The following MRPS6 variants were observed in gnomAD, a reference collection of about 807,000 sequenced individuals.
MRPS6 encodes mitochondrial ribosomal protein S6, also known as small ribosomal subunit protein bS6m.
In MRPS6, 6 loss-of-function variants were observed where a neutral mutation model predicts 13.1. The observed-to-expected ratio is 0.46, with a 90% CI of 0.25 to 0.91. MRPS6 has a LOEUF of 0.91. Ranked by LOEUF, MRPS6 falls within the 40% of genes least tolerant of loss-of-function variation. The pLI is 0.18. For missense variants in MRPS6, 164 were observed against 155.6 expected (o/e 1.05, Z -0.29); for synonymous variants, 61 against 56.5 (o/e 1.08, Z -0.36).
intron 1 of MRPS6, among the ~76,000 whole-genome samples, chr21:34,076,139 A>G (rs1989324930): frequency 6.6e-6 from 1 of 152,220 alleles, no homozygotes. Context: ...CAACTTTAAC[A>G]GCGGATATGG....
At chr21:34,098,766 G>C (rs1437248082) in intron 1 of MRPS6, 2 of 1,000,186 alleles carry the variant, frequency 2.0e-6, no homozygotes, top group African/African-American at 3.5e-5. Flanking sequence ...TGGGTACAGG[G>C]TACAAAAGAT....
chr21:34,077,238 C>T (rs1403534421), intron 1 of MRPS6, among the ~76,000 whole-genome samples: 1 of 152,116 alleles, frequency 6.6e-6, no homozygotes, highest in African/African-American at 2.4e-5. Flanking sequence ...ATGGTAAAGC[C>T]GCATACTGTA....
At chr21:34,110,585 T>C (rs1425966082) in intron 1 of MRPS6, among the ~76,000 whole-genome samples, 1 of 152,228 alleles carries the variant, frequency 6.6e-6, no homozygotes, top group Non-Finnish European at 1.5e-5. Flanking sequence ...ACATATTCCA[T>C]AAAATGACAC....
At chr21:34,091,208 A>G (rs1242559238) in intron 1 of MRPS6, among the ~76,000 whole-genome samples, 1 of 152,198 alleles carries the variant, frequency 6.6e-6, no homozygotes, top group Non-Finnish European at 1.5e-5. Context: ...CTCCAAAGCT[A>G]AAAGAGGTGG....
At chr21:34,111,113 A>G (rs1979681203) in intron 1 of MRPS6, among the ~76,000 whole-genome samples, 2 of 152,226 alleles carry the variant, frequency 1.3e-5, no homozygotes, top group South Asian at 2.1e-4. Flanking sequence ...TGTGTGCAAT[A>G]GGGGACTGCA....
chr21:34,133,129 C>T (rs912184689), intron 2 of MRPS6, among the ~76,000 whole-genome samples: 1 of 152,200 alleles, frequency 6.6e-6, no homozygotes, highest in Non-Finnish European at 1.5e-5. Flanking sequence ...CATCCTCTTC[C>T]TCAAAAGTTG....
At chr21:34,086,449 C>G (rs1334413035) in intron 1 of MRPS6, among the ~76,000 whole-genome samples, 3 of 152,006 alleles carry the variant, frequency 2.0e-5, no homozygotes, top group African/African-American at 4.8e-5. Flanking sequence ...TGATTTTTCT[C>G]ATTACATTAG....
chr21:34,125,529 AAG>A (rs1044199956), intron 2 of MRPS6, 49 bp downstream of exon 2: 2 of 1,602,540 alleles, frequency 1.2e-6, no homozygotes, highest in African/African-American at 2.7e-5. Context: ...AGGCTCAGTA[AAG>A]AGTACTGTTC....
intron 1 of MRPS6, chr21:34,099,702 G>C: frequency 1.0e-6 from 1 of 998,044 alleles, no homozygotes; most frequent in East Asian, 1.1e-4. Context: ...AGATACATAA[G>C]GTACATCATC....
At chr21:34,105,283 C>G (rs1472823949) in intron 1 of MRPS6, 22 of 999,870 alleles carry the variant, frequency 2.2e-5, no homozygotes, top group Non-Finnish European at 2.5e-5. Context: ...CATGTATGAA[C>G]TGTGTTATAC....
At chr21:34,095,918 T>C (rs1334601736) in intron 1 of MRPS6, 1 of 1,614,140 alleles carries the variant, frequency 6.2e-7, no homozygotes, top group Non-Finnish European at 8.5e-7. Flanking sequence ...ATTCTTGTAA[T>C]GTCTCCCCTA....
chr21:34,119,658 A>T (rs1339978068), intron 1 of MRPS6, among the ~76,000 whole-genome samples: 2 of 152,112 alleles, frequency 1.3e-5, no homozygotes, highest in African/African-American at 4.8e-5. Flanking sequence ...CTGGGGAACT[A>T]GGGTGTGGTA....
rs906289243 is a variant in MRPS6 at position 34,142,891 on chromosome 21, T to G, written c.*291T>G. 4.1e-6 allele frequency: 1 copy of G among 242,032 alleles called. No individual in the cohort carries two copies. Among genetic ancestry groups the G allele is most frequent in the Non-Finnish European group, 7.8e-6 (1 of 127,430 alleles). 15.0% of individuals were successfully genotyped at this position (242,032 alleles called of 1,614,324 possible). On this transcript the variant is annotated 3_prime_UTR_variant, in exon 3 of 3. Coordinates refer to ENST00000399312, the MANE Select transcript of MRPS6 (RefSeq NM_032476.4). The stretch of plus-strand genomic sequence containing the variant: ...TTCCCCTTACAACAGTAACACCATT[T>G]TTTGAAGAGCAAAACTTATAATACC...
In MRPS6 at chr21:34,100,950, T is replaced by G. The variant is rs184743483; in HGVS notation, c.46-24391T>G. On this transcript the variant is annotated intron_variant, in intron 1 of 2. Transcript: ENST00000399312. ...CAGTGTTAAAGCTTACAGGGTTAAC[T>G]TATGATGATTCTCCTGGCTCATTTT... 3 of 1,000,190 alleles carry G rather than the reference T, an allele frequency of 3.0e-6. No homozygotes were observed. In the Admixed American group the frequency reaches 1.8e-4, roughly 61 times the overall value. The allele number at this position is 1,000,190 out of a possible 1,614,324, so 62.0% of individuals were successfully genotyped here.
At chr21:34,095,361 CTGTT>C (rs1978919538) in intron 1 of MRPS6, 7 of 1,614,004 alleles carry the variant, frequency 4.3e-6, no homozygotes, top group Non-Finnish European at 5.9e-6. Context: ...TGGTGCCTCT[CTGTT>C]TGTGAGCAAT....
chr21:34,125,364 A>T lies in MRPS6; in HGVS notation c.69A>T (p.Lys23Asn). 6.2e-7 allele frequency: 1 copy of T among 1,612,880 alleles called. No homozygotes were observed. Among genetic ancestry groups the T allele is most frequent in the Non-Finnish European group, 8.5e-7 (1 of 1,179,618 alleles). ...AGCCAGAGACTGCTGCTACTTTGAA[A>T]CGTACGATAGAGGCCCTGATGGACA... ...MQRPETAATL[K>N]RTIEALMDRG... Residue 23 changes from lysine (K) to asparagine (N), a missense_variant, in exon 2 of 3, where the codon AAA (lysine) becomes AAT (asparagine). Physicochemically the swap from Lys to Asn is moderately conservative, Grantham distance 94. Transcript: ENST00000399312.
intron 1 of MRPS6, among the ~76,000 whole-genome samples, chr21:34,113,596 C>T (rs907064628): frequency 6.6e-6 from 1 of 152,120 alleles, no homozygotes; most frequent in Non-Finnish European, 1.5e-5. Context: ...TAGAGCAGTC[C>T]ATCAGGTGCC....
intron 1 of MRPS6, among the ~76,000 whole-genome samples, chr21:34,084,000 A>T (rs1989516361): frequency 6.6e-6 from 1 of 152,144 alleles, no homozygotes; most frequent in Admixed American, 6.5e-5. Context: ...CAAGAGGAAA[A>T]TCCAGCTGCC....
At chr21:34,115,715 G>C (rs1015673212) in intron 1 of MRPS6, among the ~76,000 whole-genome samples, 3 of 152,020 alleles carry the variant, frequency 2.0e-5, no homozygotes, top group Non-Finnish European at 4.4e-5. Context: ...ATAGCGGTTG[G>C]GATAGACTTG....
Sources: allele counts gnomAD v4.1 joint callset (sites outside exome capture counted in the v4.1 genomes callset), GRCh38; gene constraint gnomAD v4.1.1; transcripts MANE v1.5; gene names NCBI Gene and HGNC (gene_info 2026-07-23, HGNC 2026-07-21).